Variants in TSEN2 observed in about 807,000 individuals in gnomAD.
TSEN2 encodes tRNA splicing endonuclease subunit 2.
A neutral mutation model predicts 59.2 loss-of-function variants in TSEN2; 54 were observed. That is an observed-to-expected ratio of 0.91 (90% CI 0.73 to 1.14). TSEN2 has a LOEUF of 1.14. TSEN2 is among the 50% of genes most tolerant of loss of function. The pLI is 0.00. For missense variants in TSEN2, 636 were observed against 576.2 expected (o/e 1.10, Z -1.06); for synonymous variants, 195 against 198.2 (o/e 0.98, Z 0.14).
chr3:12,519,264 A>G (rs1618545), intron 8 of TSEN2, 67 bp downstream of exon 8: 2 of 1,591,562 alleles, frequency 1.3e-6, no homozygotes, highest in Admixed American at 1.7e-5. Context: ...AGAATATCAA[A>G]TTGATCTTGT....
chr3:12,485,503 T>G (rs1159763240), intron 1 of TSEN2, among the ~76,000 whole-genome samples: 1 of 152,120 alleles, frequency 6.6e-6, no homozygotes, highest in Non-Finnish European at 1.5e-5. Flanking sequence ...ATAAAAATAG[T>G]CTTTACCTCC....
At chr3:12,539,389 C>T (rs556216105) in exon 11 of TSEN2, 113 of 303,838 alleles carry the variant, frequency 3.7e-4, no homozygotes, top group South Asian at 2.8e-3. Context: ...CCGCCTTGGC[C>T]TCCCAAAGTG....
chr3:12,502,491 G>A (rs770506944), intron 4 of TSEN2, among the ~76,000 whole-genome samples: 18 of 151,980 alleles, frequency 1.2e-4, no homozygotes, highest in African/African-American at 2.7e-4. Flanking sequence ...AGCCGAAATC[G>A]TGCCACTGCA....
At chr3:12,535,438 A>G (rs2057653647), downstream of TSEN2, among the ~76,000 whole-genome samples, 1 of 152,212 alleles carries the variant, frequency 6.6e-6, no homozygotes, top group African/African-American at 2.4e-5. Flanking sequence ...TTTTTATTGC[A>G]AGTATGATCT....
chr3:12,498,921 A>G (rs1021718206), intron 4 of TSEN2, among the ~76,000 whole-genome samples: 1 of 152,222 alleles, frequency 6.6e-6, no homozygotes, highest in Admixed American at 6.5e-5. Flanking sequence ...AATACTTGTC[A>G]TAATAGTTGT....
downstream of TSEN2, among the ~76,000 whole-genome samples, chr3:12,537,740 T>C (rs1179692741): frequency 1.3e-5 from 2 of 152,182 alleles, no homozygotes; most frequent in Non-Finnish European, 2.9e-5. Context: ...CTTTGGACAT[T>C]TCCTCAATTT....
chr3:12,510,351 T>C (rs1365372344), intron 6 of TSEN2, among the ~76,000 whole-genome samples: 1 of 152,260 alleles, frequency 6.6e-6, no homozygotes, highest in Non-Finnish European at 1.5e-5. Flanking sequence ...AGTTTGTTGA[T>C]ACATGTCGAT....
chr3:12,491,875 A>G (rs530465880), intron 2 of TSEN2, among the ~76,000 whole-genome samples: 1 of 152,352 alleles, frequency 6.6e-6, no homozygotes, highest in Non-Finnish European at 1.5e-5. Flanking sequence ...CAATATAACA[A>G]CTATTTACAT....
intron 8 of TSEN2, among the ~76,000 whole-genome samples, chr3:12,523,102 G>C (rs2056779321): frequency 1.3e-5 from 2 of 152,152 alleles, no homozygotes; most frequent in Admixed American, 1.3e-4. Flanking sequence ...AGGGCTCTGT[G>C]GGTCTATCCT....
chr3:12,514,398 A>G (rs542145080), intron 6 of TSEN2, among the ~76,000 whole-genome samples: 2 of 152,178 alleles, frequency 1.3e-5, no homozygotes, highest in Non-Finnish European at 2.9e-5. Flanking sequence ...GAAAGTTTTA[A>G]TTAGGGGAAC....
At chr3:12,523,361 A>T (rs1575434181) in intron 8 of TSEN2, among the ~76,000 whole-genome samples, 1 of 151,854 alleles carries the variant, frequency 6.6e-6, no homozygotes, top group East Asian at 1.9e-4. Flanking sequence ...GAGCCATTGA[A>T]AGCTAGCAGA....
chr3:12,487,425 G>A (rs1294329049), intron 1 of TSEN2, among the ~76,000 whole-genome samples: 2 of 152,156 alleles, frequency 1.3e-5, no homozygotes, highest in Non-Finnish European at 2.9e-5. Flanking sequence ...GAACAAATGA[G>A]GCAGACTAAA....
rs377165950 is a variant in TSEN2, at chr3:12,503,216, A to G, written c.309-46A>G. ...TTTTATGTGCTTTGTTGTTTTTTCAATTTTGAAATTCGAGTGCTGTTTCTA... is the reference window on the plus strand; with the variant it reads ...TTTTATGTGCTTTGTTGTTTTTTCAGTTTTGAAATTCGAGTGCTGTTTCTA... On this transcript the variant is annotated intron_variant, in intron 4 of 11. Transcript: ENST00000284995. The G allele has an allele frequency of 9.4e-5, 152 of 1,613,104 alleles. 1 individual carries two copies. In the African/African-American group the frequency reaches 1.7e-3, roughly 18 times the overall value.
At position 12,531,768 on chromosome 3, in the gene TSEN2, C is replaced by G. The variant is rs964050406; in HGVS notation, c.1338+109C>G. The G allele has an allele frequency of 1.3e-5, 10 of 781,548 alleles. No homozygotes were observed. In the Admixed American group the frequency reaches 2.0e-4, roughly 16 times the overall value. 48.4% of individuals were successfully genotyped at this position (781,548 alleles called of 1,614,324 possible). A position where few individuals can be genotyped will look rare whatever the true frequency, so the allele number is the denominator to read the frequency against. On this transcript the variant is annotated intron_variant, in intron 11 of 11. Coordinates refer to ENST00000284995, the MANE Select transcript of TSEN2 (RefSeq NM_025265.4). ...CATGAATACAGTTTTGCCTTGGTAACAGAGCCTTCTCAGGCAGGCTCTTAA... is the reference window on the plus strand; with the variant it reads ...CATGAATACAGTTTTGCCTTGGTAAGAGAGCCTTCTCAGGCAGGCTCTTAA...
chr3:12,509,092 C>A (rs945059216), intron 6 of TSEN2, among the ~76,000 whole-genome samples: 2 of 151,868 alleles, frequency 1.3e-5, no homozygotes, highest in Admixed American at 6.6e-5. Context: ...TTTGGGGGAG[C>A]AAATTTTTTT....
chr3:12,498,462 C>T (rs2053973786), intron 4 of TSEN2, among the ~76,000 whole-genome samples: 1 of 152,144 alleles, frequency 6.6e-6, no homozygotes, highest in East Asian at 1.9e-4. Flanking sequence ...TTCAATTCTC[C>T]TCTAGTCTAA....
intron 4 of TSEN2, among the ~76,000 whole-genome samples, chr3:12,502,924 T>C (rs149201874): frequency 0.024 from 3,631 of 151,998 alleles, 62 homozygotes; most frequent in South Asian, 0.06. Context: ...ATACAAAAAT[T>C]AGCCAGGTGT....
chr3:12,512,321 G>A (rs796431976), intron 6 of TSEN2, among the ~76,000 whole-genome samples: 2 of 152,288 alleles, frequency 1.3e-5, no homozygotes, highest in African/African-American at 2.4e-5. Flanking sequence ...GGAGAAAGAC[G>A]TGTGTGCTGA....
chr3:12,513,424 C>T (rs937110330), intron 6 of TSEN2, among the ~76,000 whole-genome samples: 1 of 152,166 alleles, frequency 6.6e-6, no homozygotes, highest in African/African-American at 2.4e-5. Flanking sequence ...TCAGGAGTTC[C>T]AGAAAGGAGG....
Sources: allele counts gnomAD v4.1 joint callset (sites outside exome capture counted in the v4.1 genomes callset), GRCh38; gene constraint gnomAD v4.1.1; transcripts MANE v1.5; gene names NCBI Gene and HGNC (gene_info 2026-07-23, HGNC 2026-07-21).